MYO5A: variants seen among roughly 807,000 people sequenced by gnomAD.
MYO5A encodes the protein myosin VA, also known as unconventional myosin-Va.
A neutral mutation model predicts 249.7 loss-of-function variants in MYO5A; 98 were observed. The observed-to-expected ratio is 0.39, with a 90% CI of 0.33 to 0.46. The LOEUF (loss-of-function observed/expected upper bound fraction) is 0.46. Among genes scored for constraint, MYO5A ranks in the 20% least tolerant of loss-of-function variants. The pLI is 0.98. For synonymous variants in MYO5A, 778 were observed against 810.6 expected, an observed-to-expected ratio of 0.96 and a Z score of 0.68; for missense variants, 1,696 against 2,308.8, an observed-to-expected ratio of 0.73 and a Z score of 5.44.
intron 1 of MYO5A, among the ~76,000 whole-genome samples, chr15:52,490,029 T>C (rs980530070): frequency 1.3e-5 from 2 of 152,134 alleles, no homozygotes; most frequent in African/African-American, 4.8e-5. Flanking sequence ...ACCATTTCAC[T>C]CCTATTAGAA....
Position 52,353,586 on chromosome 15 carries a change from A to G in MYO5A, c.3621+19T>C, listed in dbSNP as rs964961038. ...CCAAAACAAAATATTCAAAGTCTTG[A>G]GCAGAAACTCCCCATTACCTTGAGT... On this transcript the variant is annotated intron_variant, in intron 27 of 41. Coordinates refer to ENST00000399233, the MANE Select transcript of MYO5A (RefSeq NM_001382347.1). 1 of 1,610,498 alleles carries G rather than the reference A, an allele frequency of 6.2e-7. No homozygotes were observed. Among genetic ancestry groups the G allele is most frequent in the Non-Finnish European group, 8.5e-7 (1 of 1,176,770 alleles).
chr15:52,359,527 A>G (rs1235407328), intron 25 of MYO5A, among the ~76,000 whole-genome samples: 1 of 152,216 alleles, frequency 6.6e-6, no homozygotes, highest in Admixed American at 6.5e-5. Context: ...ACTCTGGGGC[A>G]CTGGTGTTTA....
chr15:52,500,649 CTT>C (rs2077136326), intron 1 of MYO5A, among the ~76,000 whole-genome samples: 1 of 151,882 alleles, frequency 6.6e-6, no homozygotes, highest in African/African-American at 2.4e-5. Context: ...TGCCTGGCCT[CTT>C]TGCCCATTTT....
At chr15:52,493,345 G>A (rs190902887) in intron 1 of MYO5A, among the ~76,000 whole-genome samples, 71 of 152,280 alleles carry the variant, frequency 4.7e-4, no homozygotes, top group Non-Finnish European at 9.4e-4. Context: ...ACAAAGAATG[G>A]AGAATGTTTC....
chr15:52,511,018 G>C (rs2077379546), intron 1 of MYO5A, among the ~76,000 whole-genome samples: 1 of 152,204 alleles, frequency 6.6e-6, no homozygotes, highest in South Asian at 2.1e-4. Context: ...GGAGGCCCCA[G>C]CTCCAAAAGA....
chr15:52,450,853 T>TG (rs1314812683), intron 1 of MYO5A, among the ~76,000 whole-genome samples: 2 of 147,060 alleles, frequency 1.4e-5, no homozygotes, highest in African/African-American at 5.0e-5. Context: ...GTTTTTTTTT[T>TG]TTTTTTTTTT....
At chr15:52,356,139 T>TAG (rs1218864868) in intron 25 of MYO5A, among the ~76,000 whole-genome samples, 3 of 152,156 alleles carry the variant, frequency 2.0e-5, no homozygotes. Flanking sequence ...GTCCCTTTGT[T>TAG]AGAGAGAGAC....
At chr15:52,415,659 T>G (rs1275196363) in intron 5 of MYO5A, among the ~76,000 whole-genome samples, 12 of 152,352 alleles carry the variant, frequency 7.9e-5, no homozygotes, top group African/African-American at 2.9e-4. Context: ...TATTAAAATT[T>G]AAGCCAACTG....
intron 1 of MYO5A, among the ~76,000 whole-genome samples, chr15:52,513,577 A>G (rs1482740868): frequency 1.3e-5 from 2 of 151,118 alleles, no homozygotes; most frequent in Non-Finnish European, 3.0e-5. Flanking sequence ...GGCATGTGCC[A>G]CCACGTCCAG....
At chr15:52,349,959 G>A (rs1184490218) in intron 28 of MYO5A, among the ~76,000 whole-genome samples, 1 of 152,124 alleles carries the variant, frequency 6.6e-6, no homozygotes, top group Non-Finnish European at 1.5e-5. Flanking sequence ...TTGAGACGGA[G>A]TCTCACTCTA....
Position 52,446,667 on chromosome 15 carries a change from T to C in MYO5A, c.28-13382A>G, listed in dbSNP as rs988310354. 2.6e-5 allele frequency among the ~76,000 whole-genome samples: 4 copies of C among 152,080 alleles called. No individual in the cohort carries two copies. The East Asian group carries it at 7.7e-4, about 29-fold the overall frequency. ...CCTAGAAAAGCCACAGGCATTCAAC[T>C]CCAACCCATAAGAACAGCCCTAGGG... On this transcript the variant is annotated intron_variant, in intron 1 of 41. Transcript: ENST00000399233.
At chr15:52,479,087 C>G (rs1162131867) in intron 1 of MYO5A, among the ~76,000 whole-genome samples, 1 of 152,014 alleles carries the variant, frequency 6.6e-6, no homozygotes, top group Non-Finnish European at 1.5e-5. Context: ...CCTCTGCCCC[C>G]TGGGTTCAAG....
intron 1 of MYO5A, among the ~76,000 whole-genome samples, chr15:52,504,992 G>A (rs2077238576): frequency 6.6e-6 from 1 of 152,112 alleles, no homozygotes; most frequent in South Asian, 2.1e-4. Context: ...GGCTATTCTG[G>A]CAGCTCAATA....
chr15:52,519,756 A>G lies in MYO5A; in HGVS notation c.27+9024T>C, dbSNP rs143413082. Among the ~76,000 whole-genome samples the G allele has an allele frequency of 6.5e-3, 989 of 151,866 alleles. 18 individuals are homozygous for G. The highest frequency in any genetic ancestry group is 0.023 in the African/African-American group (951 of 41,436). On this transcript the variant is annotated intron_variant, in intron 1 of 41. Transcript: ENST00000399233. ...TCCATGGCTTTTTTTTTTGAGACAG[A>G]GTCTTGCTTTGTCGCCCAGGCTGGA...
At chr15:52,511,881 C>T (rs1014967366) in intron 1 of MYO5A, among the ~76,000 whole-genome samples, 4 of 152,110 alleles carry the variant, frequency 2.6e-5, no homozygotes, top group South Asian at 2.1e-4. Context: ...ACATTGATAT[C>T]GGCTGGGCGC....
rs376873990 is a variant in MYO5A at position 52,528,248 on chromosome 15, C to G, written c.27+532G>C. 5.3e-5 allele frequency among the ~76,000 whole-genome samples: 8 copies of G among 152,296 alleles called. No individual in the cohort carries two copies. In the East Asian group the frequency reaches 1.2e-3, roughly 22 times the overall value. On this transcript the variant is annotated intron_variant, in intron 1 of 41. Coordinates refer to ENST00000399233, the MANE Select transcript of MYO5A (RefSeq NM_001382347.1). ...CATCTTTCCCCGGGGCTCGCCACCCCCAGCGCAGCTAAACTGGGGAGCTAA... is the reference window on the plus strand; with the variant it reads ...CATCTTTCCCCGGGGCTCGCCACCCGCAGCGCAGCTAAACTGGGGAGCTAA...
chr15:52,406,301 G>A (rs1197749430), intron 8 of MYO5A, among the ~76,000 whole-genome samples: 1 of 151,994 alleles, frequency 6.6e-6, no homozygotes. Flanking sequence ...GTCTCACTCT[G>A]TCACCCAGGC....
chr15:52,511,954 G>C (rs1172415241), intron 1 of MYO5A, among the ~76,000 whole-genome samples: 3 of 152,076 alleles, frequency 2.0e-5, no homozygotes, highest in Non-Finnish European at 4.4e-5. Flanking sequence ...ATGAGGTCAG[G>C]AGATCGAGAC....
chr15:52,513,759 C>G (rs183936755), intron 1 of MYO5A, among the ~76,000 whole-genome samples: 1 of 152,082 alleles, frequency 6.6e-6, no homozygotes, highest in Non-Finnish European at 1.5e-5. Flanking sequence ...TAGCCAATAA[C>G]TAGGCTGGGG....
Sources: gnomAD v4.1 joint callset for allele counts (sites outside exome capture counted in the v4.1 genomes callset) on GRCh38, gnomAD v4.1.1 for gene constraint, MANE v1.5 for transcripts, NCBI Gene and HGNC (gene_info 2026-07-23, HGNC 2026-07-21) for gene names.